UBE2S: variants seen among roughly 807,000 people sequenced by gnomAD.
UBE2S encodes ubiquitin conjugating enzyme E2 S.
UBE2S carries 3 observed loss-of-function variants against 12.3 expected under a neutral mutation model. That is an observed-to-expected ratio of 0.24 (90% CI 0.11 to 0.63). The LOEUF (loss-of-function observed/expected upper bound fraction) is 0.63. Ranked by LOEUF, UBE2S falls within the 30% of genes least tolerant of loss-of-function variation. UBE2S has a pLI of 0.85. For synonymous variants in UBE2S, 133 were observed against 142.0 expected (o/e 0.94, Z 0.45); for missense variants, 211 against 313.9 (o/e 0.67, Z 2.48).
intron 2 of UBE2S, among the ~76,000 whole-genome samples, chr19:55,406,252 G>A (rs1362968580): frequency 6.6e-6 from 1 of 152,124 alleles, no homozygotes; most frequent in Non-Finnish European, 1.5e-5. Context: ...CATCACCACC[G>A]TGGACTAGAC....
At chr19:55,403,446 G>A (rs576229606) in intron 3 of UBE2S, among the ~76,000 whole-genome samples, 120 of 151,934 alleles carry the variant, frequency 7.9e-4, no homozygotes, top group Non-Finnish European at 1.1e-3. Flanking sequence ...CTATGACTGC[G>A]CCACTGCACT....
At chr19:55,407,515 GC>G in intron 1 of UBE2S, 71 bp downstream of exon 1, 1 of 1,486,982 alleles carries the variant, frequency 6.7e-7, no homozygotes. Flanking sequence ...CCCGTCGGAG[GC>G]CCCTGAGACT....
intron 3 of UBE2S, chr19:55,402,929 T>A (rs540591127): frequency 2.1e-6 from 3 of 1,426,936 alleles, no homozygotes; most frequent in Non-Finnish European, 2.8e-6. Context: ...TTGGTTAACT[T>A]TTTTTTTTTT....
chr19:55,407,175 A>G (rs1475546430), intron 1 of UBE2S, among the ~76,000 whole-genome samples: 1 of 150,442 alleles, frequency 6.6e-6, no homozygotes, highest in Non-Finnish European at 1.5e-5. Flanking sequence ...GGGCTTGCAG[A>G]TAACTCCACC....
intron 3 of UBE2S, chr19:55,402,852 C>G: frequency 1.8e-6 from 2 of 1,084,302 alleles, no homozygotes; most frequent in South Asian, 1.6e-5. Flanking sequence ...AATCCTCTCC[C>G]TCCCCATGGC....
rs1014506968 is a variant in UBE2S at position 55,401,221 on chromosome 19, C to T, written c.*215G>A. The T allele has an allele frequency of 3.0e-5, 19 of 628,978 alleles. No homozygotes were observed. The highest frequency in any genetic ancestry group is 3.3e-5 in the Non-Finnish European group (12 of 367,512). The allele number at this position is 628,978 out of a possible 1,614,324, so 39.0% of individuals were successfully genotyped here. On this transcript the variant is annotated 3_prime_UTR_variant, in exon 4 of 4. Transcript: ENST00000264552. ...GGACCCAGGGCCTGTGCAGGGGAGCCAAACTCCCAGAGCCACATGGCACCA... is the reference window on the plus strand; with the variant it reads ...GGACCCAGGGCCTGTGCAGGGGAGCTAAACTCCCAGAGCCACATGGCACCA...
At position 55,404,541 on chromosome 19, in the gene UBE2S, C is replaced by G; in HGVS notation, c.152-63G>C. 6.9e-7 allele frequency: 1 copy of G among 1,444,194 alleles called. No homozygotes were observed. The highest frequency in any genetic ancestry group is 9.4e-7 in the Non-Finnish European group (1 of 1,068,506). 89.5% of individuals were successfully genotyped at this position (1,444,194 alleles called of 1,614,324 possible). ...GGAGTCCCAAGGCACCTCAACACCC[C>G]AAAGTCCAGTCTCCACGGTCTGATT... On this transcript the variant is annotated intron_variant, in intron 2 of 3. Coordinates refer to ENST00000264552, the MANE Select transcript of UBE2S (RefSeq NM_014501.3). The surrounding 1 kb of genome is among the most constrained non-coding windows in gnomAD (Gnocchi z 4.4).
At chr19:55,402,190 CAG>C (rs1253782554) in intron 3 of UBE2S, among the ~76,000 whole-genome samples, 1 of 152,228 alleles carries the variant, frequency 6.6e-6, no homozygotes, top group Non-Finnish European at 1.5e-5. Flanking sequence ...GCAGCCTGGA[CAG>C]AGAGAAGAGA....
At position 55,401,483 on chromosome 19, in the gene UBE2S, C is replaced by T. The variant is rs1444111571; in HGVS notation, c.622G>A (p.Ala208Thr). The T allele has an allele frequency of 6.2e-7, 1 of 1,608,886 alleles. No homozygotes were observed. Among genetic ancestry groups the T allele is most frequent in the Admixed American group, 1.7e-5 (1 of 59,824 alleles). The change falls in exon 4 of 4, where the codon GCG becomes ACG. Residue 208 changes from alanine to threonine, a missense_variant. By Grantham distance (58) the Ala-to-Thr change is moderately conservative (BLOSUM62 0). Around this residue, in one of 2 missense-constraint regions of UBE2S, gnomAD observed 84 missense variants for 89.9 expected, o/e 0.93. Transcript: ENST00000264552. Reference sequence around the variant, plus strand: ...TTCTTGTCCGTCTTTTTCTTGGCCGCCAGCTTCTTATCGCGCTCGCCAGCA... The same window carrying T: ...TTCTTGTCCGTCTTTTTCTTGGCCGTCAGCTTCTTATCGCGCTCGCCAGCA... ...KHAGERDKKL[A>T]AKKKTDKKRA...
chr19:55,403,445 C>T (rs556523090), intron 3 of UBE2S, among the ~76,000 whole-genome samples: 5 of 151,740 alleles, frequency 3.3e-5, no homozygotes, highest in Non-Finnish European at 4.4e-5. Flanking sequence ...GCTATGACTG[C>T]GCCACTGCAC....
At chr19:55,402,058 GC>G (rs1381001607) in intron 3 of UBE2S, among the ~76,000 whole-genome samples, 4 of 152,184 alleles carry the variant, frequency 2.6e-5, no homozygotes, top group Non-Finnish European at 5.9e-5. Flanking sequence ...AAACGCCAAG[GC>G]CCCCTCTCAG....
chr19:55,407,673 T>C lies in UBE2S; in HGVS notation c.-84A>G, dbSNP rs960011563. 4.0e-5 allele frequency: 46 copies of C among 1,137,468 alleles called. No individual in the cohort carries two copies. The African/African-American group carries it at 4.9e-4, about 12-fold the overall frequency. 70.5% of individuals were successfully genotyped at this position (1,137,468 alleles called of 1,614,324 possible). ...CGGCCGGGGCGGGGGGCCCAACTGCTGCCGCTGCGGCCCTGGAGAGGCCCC... is the reference window on the plus strand; with the variant it reads ...CGGCCGGGGCGGGGGGCCCAACTGCCGCCGCTGCGGCCCTGGAGAGGCCCC... On this transcript the variant is annotated 5_prime_UTR_variant, in exon 1 of 4. Coordinates refer to ENST00000264552, the MANE Select transcript of UBE2S (RefSeq NM_014501.3).
At chr19:55,407,175 A>C (rs1475546430) in intron 1 of UBE2S, among the ~76,000 whole-genome samples, 1 of 150,442 alleles carries the variant, frequency 6.6e-6, no homozygotes, top group Non-Finnish European at 1.5e-5. Context: ...GGGCTTGCAG[A>C]TAACTCCACC....
chr19:55,404,016 A>T lies in UBE2S; in HGVS notation c.342+272T>A, dbSNP rs576296742. 1.5e-4 allele frequency: 58 copies of T among 387,524 alleles called. No homozygotes were observed. In the East Asian group the frequency reaches 2.7e-3, roughly 18 times the overall value. The allele number at this position is 387,524 out of a possible 1,614,324, so 24.0% of individuals were successfully genotyped here. ...CTGGCCTACCCTATCCTTGTTTTTTAAAAAAAAGGGAGAAGAGAAAAACCA... is the reference window on the plus strand; with the variant it reads ...CTGGCCTACCCTATCCTTGTTTTTTTAAAAAAAGGGAGAAGAGAAAAACCA... On this transcript the variant is annotated intron_variant, in intron 3 of 3. Transcript: ENST00000264552. The surrounding 1 kb of genome is among the most constrained non-coding windows in gnomAD (Gnocchi z 4.4).
intron 3 of UBE2S, among the ~76,000 whole-genome samples, chr19:55,402,276 A>G (rs1281362504): frequency 2.0e-5 from 3 of 152,246 alleles, no homozygotes; most frequent in Non-Finnish European, 4.4e-5. Flanking sequence ...CTTTCCAGAT[A>G]CAGCATAAAT....
At position 55,400,692 on chromosome 19, in the gene UBE2S, C is replaced by A. The variant is rs1419343153; in HGVS notation, c.*744G>T. 6.6e-6 allele frequency: 1 copy of A among 152,268 alleles called. No homozygotes were observed. The highest frequency in any genetic ancestry group is 6.5e-5 in the Admixed American group (1 of 15,282). The allele number at this position is 152,268 out of a possible 1,614,324, so 9.4% of individuals were successfully genotyped here. A position where few individuals can be genotyped will look rare whatever the true frequency, so the allele number is the denominator to read the frequency against. On this transcript the variant is annotated 3_prime_UTR_variant, in exon 4 of 4. Coordinates refer to ENST00000264552, the MANE Select transcript of UBE2S (RefSeq NM_014501.3). ...CCAACAACCAATACCTCAATTTTAG[C>A]CTGCAAAGCACTGAGCAGAGACTAG...
In UBE2S at chr19:55,400,080, C is replaced by G. The variant is rs1600315813; in HGVS notation, c.*1356G>C. On this transcript the variant is annotated 3_prime_UTR_variant, in exon 4 of 4. Transcript: ENST00000264552. Reference sequence around the variant, plus strand: ...GGTCAGACCCCTTTCAGAGGCTGAGCCGTTTCAACCTCAGCTGTTTTATTA... The same window carrying G: ...GGTCAGACCCCTTTCAGAGGCTGAGGCGTTTCAACCTCAGCTGTTTTATTA... 6.6e-6 allele frequency: 1 copy of G among 152,194 alleles called. No individual in the cohort carries two copies. Among genetic ancestry groups the G allele is most frequent in the African/African-American group, 2.4e-5 (1 of 41,462 alleles). 9.4% of individuals were successfully genotyped at this position (152,194 alleles called of 1,614,324 possible). A position where few individuals can be genotyped will look rare whatever the true frequency, so the allele number is the denominator to read the frequency against.
rs1231142406 is a variant in UBE2S at position 55,401,176 on chromosome 19, CAG to C, written c.*258_*259del. 34 of 540,470 alleles carry C rather than the reference CAG, an allele frequency of 6.3e-5. No individual in the cohort carries two copies. Among genetic ancestry groups the C allele is most frequent in the Middle Eastern group, 4.8e-4 (1 of 2,066 alleles). 33.5% of individuals were successfully genotyped at this position (540,470 alleles called of 1,614,324 possible). On this transcript the variant is annotated 3_prime_UTR_variant, in exon 4 of 4. Coordinates refer to ENST00000264552, the MANE Select transcript of UBE2S (RefSeq NM_014501.3). ...GGTGAGCTAGATGGACCCACTGCTG[CAG>C]TCCATGAGGCTTTACAAGGACCCAG...
In UBE2S at chr19:55,401,691, C is replaced by G. The variant is rs763404918; in HGVS notation, c.414G>C (p.Leu138Phe). Residue 138 changes from leucine (L) to phenylalanine (F), a missense_variant, in exon 4 of 4, where the codon TTG (leucine) becomes TTC (phenylalanine). Around this residue, in one of 2 missense-constraint regions of UBE2S, gnomAD observed 127 missense variants for 224.0 expected, o/e 0.57. Transcript: ENST00000264552. Reference protein sequence around the residue: ...ALNEEAGRLLLENYEEYAARA... With the variant: ...ALNEEAGRLLFENYEEYAARA... ...GAGCCGCATACTCCTCGTAGTTCTC[C>G]AAGAGCAGGCGGCCCGCCTCCTCGT... 1.3e-5 allele frequency: 21 copies of G among 1,612,988 alleles called. No individual in the cohort carries two copies.
Sources: allele counts gnomAD v4.1 joint callset (sites outside exome capture counted in the v4.1 genomes callset), GRCh38; gene constraint gnomAD v4.1.1; regional missense constraint gnomAD v4.1.1; non-coding constraint Gnocchi (gnomAD v3.1); transcripts MANE v1.5; gene names NCBI Gene and HGNC (gene_info 2026-07-23, HGNC 2026-07-21).